Variants in GNA14 observed in about 807,000 individuals in gnomAD.
GNA14 encodes G protein subunit alpha 14.
A neutral mutation model predicts 42.0 loss-of-function variants in GNA14; 50 were observed. The ratio of observed to expected loss-of-function variants is 1.19; its 90% CI spans 0.95 to 1.51. The LOEUF (loss-of-function observed/expected upper bound fraction) is 1.51, where lower values mean the gene tolerates loss of function less well. Ranked by LOEUF, GNA14 falls within the 40% of genes most tolerant of loss-of-function variation. The probability of loss-of-function intolerance (pLI) is 0.00; values close to 1 mark genes in which losing one functional copy is unlikely to be tolerated. For synonymous variants in GNA14, 173 were observed against 163.1 expected, an observed-to-expected ratio of 1.06 and a Z score of -0.46; for missense variants, 473 against 446.2, an observed-to-expected ratio of 1.06 and a Z score of -0.54.
chr9:77,616,225 CTA>C (rs1362255094), intron 1 of GNA14, among the ~76,000 whole-genome samples: 1 of 152,174 alleles, frequency 6.6e-6, no homozygotes, highest in African/African-American at 2.4e-5. Flanking sequence ...ACATTCTTGA[CTA>C]TTTGGAAGTG....
intron 2 of GNA14, among the ~76,000 whole-genome samples, chr9:77,489,416 A>C (rs1357498515): frequency 6.6e-6 from 1 of 152,224 alleles, no homozygotes; most frequent in African/African-American, 2.4e-5. Flanking sequence ...TCAGAACAGG[A>C]AGATCAGTGA....
At chr9:77,457,966 AC>A (rs1367374086) in intron 2 of GNA14, among the ~76,000 whole-genome samples, 1 of 152,094 alleles carries the variant, frequency 6.6e-6, no homozygotes, top group Admixed American at 6.6e-5. Context: ...ACCAAAACAA[AC>A]ATCTGGGTCA....
chr9:77,506,526 A>C (rs1279765377), intron 2 of GNA14, among the ~76,000 whole-genome samples: 2 of 151,882 alleles, frequency 1.3e-5, no homozygotes, highest in African/African-American at 4.8e-5. Context: ...AAAATACAAA[A>C]ATTAGCTGGG....
intron 2 of GNA14, among the ~76,000 whole-genome samples, chr9:77,482,378 T>C (rs1836571125): frequency 6.6e-6 from 1 of 152,232 alleles, no homozygotes; most frequent in Non-Finnish European, 1.5e-5. Context: ...ATGTTGAATA[T>C]TGGTCCCCAC....
chr9:77,636,278 G>A (rs1824182612), intron 1 of GNA14, among the ~76,000 whole-genome samples: 1 of 152,086 alleles, frequency 6.6e-6, no homozygotes, highest in African/African-American at 2.4e-5. Flanking sequence ...AATAATAACT[G>A]ACAACTGATC....
intron 1 of GNA14, among the ~76,000 whole-genome samples, chr9:77,611,565 G>T (rs1414462993): frequency 1.3e-5 from 2 of 152,162 alleles, no homozygotes; most frequent in Non-Finnish European, 2.9e-5. Context: ...AACATGAGAT[G>T]CCCATAAGGA....
At chr9:77,520,528 T>C (rs1470457405) in intron 2 of GNA14, among the ~76,000 whole-genome samples, 1 of 152,186 alleles carries the variant, frequency 6.6e-6, no homozygotes, top group Non-Finnish European at 1.5e-5. Flanking sequence ...ATGTTCCCCT[T>C]TATATTTTAG....
At chr9:77,634,333 C>T (rs138718069) in intron 1 of GNA14, among the ~76,000 whole-genome samples, 2,924 of 151,028 alleles carry the variant, frequency 0.019, 82 homozygotes, top group African/African-American at 0.065. Context: ...TGAGAGGATC[C>T]CTTGAACCCA....
At chr9:77,625,694 C>G (rs1386926660) in intron 1 of GNA14, among the ~76,000 whole-genome samples, 1 of 152,142 alleles carries the variant, frequency 6.6e-6, no homozygotes, top group African/African-American at 2.4e-5. Context: ...CTGAGAGATT[C>G]TGTCACCACC....
chr9:77,608,842 T>C (rs1672172603), intron 1 of GNA14, among the ~76,000 whole-genome samples: 1 of 151,980 alleles, frequency 6.6e-6, no homozygotes, highest in African/African-American at 2.4e-5. Flanking sequence ...TCCTGTTTAT[T>C]TCTGCCCCCT....
At chr9:77,633,466 C>A (rs1824130483) in intron 1 of GNA14, among the ~76,000 whole-genome samples, 1 of 152,056 alleles carries the variant, frequency 6.6e-6, no homozygotes, top group Non-Finnish European at 1.5e-5. Flanking sequence ...GATAAAGGGT[C>A]TCACAGGCCA....
At chr9:77,549,836 C>T (rs1396880760) in intron 1 of GNA14, among the ~76,000 whole-genome samples, 1 of 152,130 alleles carries the variant, frequency 6.6e-6, no homozygotes, top group East Asian at 1.9e-4. Context: ...CTATTTGTAG[C>T]CCATGTCCTC....
At chr9:77,438,704 A>G (rs56186948) in intron 2 of GNA14, among the ~76,000 whole-genome samples, 46,499 of 152,062 alleles carry the variant, frequency 0.31, 7,440 homozygotes, top group African/African-American at 0.4. Flanking sequence ...TTGATTTATC[A>G]TTCATCCTTT....
At position 77,492,401 on chromosome 9, in the gene GNA14, T is replaced by C. The variant is rs1000974934; in HGVS notation, c.309+36668A>G. Among the ~76,000 whole-genome samples, 5 of 151,384 alleles carry C rather than the reference T, an allele frequency of 3.3e-5. No homozygotes were observed. In the South Asian group the frequency reaches 6.2e-4, roughly 19 times the overall value. Reference sequence around the variant, plus strand: ...AAGTTGATTTGTTTGAAAGATAAAATTGGCAAACCTTTAGCAAGATTAAGA... The same window carrying C: ...AAGTTGATTTGTTTGAAAGATAAAACTGGCAAACCTTTAGCAAGATTAAGA... On this transcript the variant is annotated intron_variant, in intron 2 of 6. Coordinates refer to ENST00000341700, the MANE Select transcript of GNA14 (RefSeq NM_004297.4).
intron 1 of GNA14, among the ~76,000 whole-genome samples, chr9:77,582,663 A>T (rs1366667007): frequency 6.6e-6 from 1 of 152,164 alleles, no homozygotes; most frequent in Non-Finnish European, 1.5e-5. Context: ...CTGCCACAAG[A>T]TTTAATCATT....
chr9:77,531,922 A>G (rs1242101931), intron 1 of GNA14, among the ~76,000 whole-genome samples: 2 of 152,236 alleles, frequency 1.3e-5, no homozygotes, highest in African/African-American at 2.4e-5. Flanking sequence ...ATAAATACCC[A>G]TATTTTAAAA....
intron 1 of GNA14, among the ~76,000 whole-genome samples, chr9:77,566,634 T>C (rs1349620177): frequency 6.6e-6 from 1 of 152,184 alleles, no homozygotes; most frequent in Admixed American, 6.5e-5. Flanking sequence ...CTAGAAGAGT[T>C]TGAAAGGCTT....
chr9:77,596,810 G>T (rs1425956336), intron 1 of GNA14, among the ~76,000 whole-genome samples: 1 of 152,120 alleles, frequency 6.6e-6, no homozygotes, highest in East Asian at 1.9e-4. Context: ...ATTTGGAGAG[G>T]CTAATCAGAA....
intron 2 of GNA14, among the ~76,000 whole-genome samples, chr9:77,449,823 G>C (rs1835875414): frequency 6.6e-6 from 1 of 152,182 alleles, no homozygotes; most frequent in South Asian, 2.1e-4. Context: ...AGGAAATAAA[G>C]TTCTTTGATG....
Sources: allele counts gnomAD v4.1 joint callset (sites outside exome capture counted in the v4.1 genomes callset), GRCh38; gene constraint gnomAD v4.1.1; transcripts MANE v1.5; gene names NCBI Gene and HGNC (gene_info 2026-07-23, HGNC 2026-07-21).